Variants in NFIA observed in about 807,000 individuals in gnomAD.
NFIA encodes nuclear factor 1 A-type.
A neutral mutation model predicts 62.8 loss-of-function variants in NFIA; 8 were observed. The ratio of observed to expected loss-of-function variants is 0.13; its 90% CI spans 0.07 to 0.23. The LOEUF is 0.23. Among genes scored for constraint, NFIA ranks in the 10% least tolerant of loss-of-function variants. The probability of loss-of-function intolerance (pLI) is 1.00; values close to 1 mark genes in which losing one functional copy is unlikely to be tolerated. For synonymous variants in NFIA, 235 were observed against 238.1 expected (o/e 0.99, Z 0.12); for missense variants, 410 against 642.1 (o/e 0.64, Z 3.91).
At chr1:61,103,020 T>C (rs533687352) in intron 2 of NFIA, among the ~76,000 whole-genome samples, 3 of 152,338 alleles carry the variant, frequency 2.0e-5, no homozygotes, top group South Asian at 4.1e-4. Context: ...CATGTTCTTA[T>C]TTGTAATCAA....
intron 2 of NFIA, among the ~76,000 whole-genome samples, chr1:61,118,194 A>G (rs1402812903): frequency 6.8e-6 from 1 of 146,570 alleles, no homozygotes; most frequent in Non-Finnish European, 1.5e-5. Context: ...CAAAGAACAA[A>G]AAAAAAAAAA....
intron 9 of NFIA, among the ~76,000 whole-genome samples, chr1:61,408,528 T>G (rs1472992999): frequency 1.3e-5 from 2 of 152,232 alleles, no homozygotes; most frequent in African/African-American, 2.4e-5. Context: ...CTGCTCGTCT[T>G]CTCTCTGTCT....
At chr1:61,380,039 T>C (rs1372932604) in intron 6 of NFIA, among the ~76,000 whole-genome samples, 8 of 150,898 alleles carry the variant, frequency 5.3e-5, no homozygotes, top group Admixed American at 3.9e-4. Flanking sequence ...ATGACTCATA[T>C]AGCTTAGAAA....
intron 4 of NFIA, among the ~76,000 whole-genome samples, chr1:61,340,673 G>A (rs868113285): frequency 6.6e-5 from 10 of 152,300 alleles, no homozygotes; most frequent in Middle Eastern, 3.4e-3. Flanking sequence ...CAATCTTGGA[G>A]CTGACCACTA....
chr1:61,077,502 C>A, upstream of NFIA: 1 of 892,330 alleles, frequency 1.1e-6, no homozygotes, highest in Non-Finnish European at 1.5e-6. Flanking sequence ...TAAAAAATCT[C>A]TTCCGGGTTT....
chr1:61,186,456 G>A (rs1454921622), intron 2 of NFIA, among the ~76,000 whole-genome samples: 2 of 152,140 alleles, frequency 1.3e-5, no homozygotes, highest in African/African-American at 2.4e-5. Flanking sequence ...GGCAATGGGC[G>A]TGCAACTGTG....
Position 61,110,255 on chromosome 1 carries a change from CT to C in NFIA, c.559+21589del, listed in dbSNP as rs34192655. The stretch of plus-strand genomic sequence containing the variant: ...TAGCACACATTTGTCTACTTGTTCA[CT>C]TTTTTTTTTTTTTACATGAGAGTTT... On this transcript the variant is annotated intron_variant, in intron 2 of 10. Transcript: ENST00000403491. Among the ~76,000 whole-genome samples, 2,280 of 143,522 alleles carry C rather than the reference CT, an allele frequency of 0.016. 99 individuals carry two copies. The East Asian group carries it at 0.19, about 12-fold the overall frequency. 94.2% of individuals were successfully genotyped at this position (143,522 alleles called of 152,430 possible). A position where few individuals can be genotyped will look rare whatever the true frequency, so the allele number is the denominator to read the frequency against.
At chr1:61,418,475 A>G (rs1390912260) in intron 9 of NFIA, among the ~76,000 whole-genome samples, 1 of 151,996 alleles carries the variant, frequency 6.6e-6, no homozygotes, top group Non-Finnish European at 1.5e-5. Flanking sequence ...GAAAAAAAAA[A>G]TCATCCATAA....
chr1:61,181,238 C>G (rs1431666173), intron 2 of NFIA, among the ~76,000 whole-genome samples: 1 of 152,168 alleles, frequency 6.6e-6, no homozygotes, highest in East Asian at 1.9e-4. Context: ...CTTTATAAAG[C>G]ATAAATATGT....
chr1:61,355,461 A>G (rs545135278), intron 5 of NFIA, among the ~76,000 whole-genome samples: 3 of 152,364 alleles, frequency 2.0e-5, no homozygotes, highest in East Asian at 3.9e-4. Context: ...AACTTTATCA[A>G]GATAAACCAG....
chr1:61,241,525 C>T (rs1404872839), intron 2 of NFIA, among the ~76,000 whole-genome samples: 1 of 152,078 alleles, frequency 6.6e-6, no homozygotes, highest in Non-Finnish European at 1.5e-5. Flanking sequence ...ATTCTGAGAG[C>T]TTGCCAAACA....
intron 3 of NFIA, among the ~76,000 whole-genome samples, chr1:61,319,499 A>G (rs1262963900): frequency 6.6e-6 from 1 of 152,096 alleles, no homozygotes; most frequent in Non-Finnish European, 1.5e-5. Flanking sequence ...TCCCCACTTT[A>G]ACTGAGTCCT....
intron 6 of NFIA, among the ~76,000 whole-genome samples, chr1:61,361,485 TA>T (rs1663287099): frequency 6.6e-6 from 1 of 152,168 alleles, no homozygotes; most frequent in Non-Finnish European, 1.5e-5. Flanking sequence ...GATTATTGTG[TA>T]GATGCATTTT....
chr1:61,341,479 G>T lies in NFIA; in HGVS notation c.700+8893G>T, dbSNP rs568517883. On this transcript the variant is annotated intron_variant, in intron 4 of 10. Transcript: ENST00000403491. The stretch of plus-strand genomic sequence containing the variant: ...GCTACAGGTCATTACTGACAATGTG[G>T]TTTGTTTGGGTTTTCTTGAGACAGA... Among the ~76,000 whole-genome samples the T allele has an allele frequency of 5.9e-5, 9 of 152,002 alleles. No homozygotes were observed. In the South Asian group the frequency reaches 1.9e-3, roughly 32 times the overall value.
chr1:61,114,054 C>G (rs144768418), intron 2 of NFIA, among the ~76,000 whole-genome samples: 1 of 152,076 alleles, frequency 6.6e-6, no homozygotes, highest in East Asian at 1.9e-4. Context: ...TGTCTCGGCA[C>G]AAAATTATAA....
chr1:61,142,943 G>A (rs1570253451), intron 2 of NFIA, among the ~76,000 whole-genome samples: 1 of 152,276 alleles, frequency 6.6e-6, no homozygotes, highest in East Asian at 1.9e-4. Flanking sequence ...AACCGCTTGT[G>A]TGGCGACTGC....
chr1:61,303,289 G>A (rs143605251), intron 3 of NFIA, among the ~76,000 whole-genome samples: 2 of 152,232 alleles, frequency 1.3e-5, no homozygotes, highest in East Asian at 1.9e-4. Context: ...AGTTGCACAG[G>A]ATACATCACT....
intron 2 of NFIA, among the ~76,000 whole-genome samples, chr1:61,123,425 T>C (rs1197603902): frequency 6.6e-6 from 1 of 152,256 alleles, no homozygotes; most frequent in African/African-American, 2.4e-5. Flanking sequence ...TTTTGCATAG[T>C]ACTCAAATAT....
At chr1:61,242,635 C>T (rs907404328) in intron 2 of NFIA, among the ~76,000 whole-genome samples, 1 of 152,108 alleles carries the variant, frequency 6.6e-6, no homozygotes, top group Non-Finnish European at 1.5e-5. Context: ...AAATTAACTT[C>T]TCCAGGCAGT....
Sources: gnomAD v4.1 joint callset for allele counts (sites outside exome capture counted in the v4.1 genomes callset) on GRCh38, gnomAD v4.1.1 for gene constraint, MANE v1.5 for transcripts, NCBI Gene and HGNC (gene_info 2026-07-23, HGNC 2026-07-21) for gene names.